Variants in DPP9 observed in about 807,000 individuals in gnomAD.
The protein encoded by DPP9 is dipeptidyl peptidase IV-related protein-2.
Under a neutral mutation model 110.7 loss-of-function variants are expected in DPP9, and 50 were observed. That is an observed-to-expected ratio of 0.45 (90% CI 0.36 to 0.57). The LOEUF (loss-of-function observed/expected upper bound fraction) is 0.57. Ranked by LOEUF, DPP9 falls within the 20% of genes least tolerant of loss-of-function variation. The pLI, the probability that DPP9 is intolerant of heterozygous loss-of-function variation, is 0.00. For synonymous variants in DPP9, 561 were observed against 514.4 expected (o/e 1.09, Z -1.23); for missense variants, 1,022 against 1,217.9 (o/e 0.84, Z 2.39).
intron 20 of DPP9, among the ~76,000 whole-genome samples, chr19:4,680,744 G>A (rs2089743585): frequency 6.6e-6 from 1 of 150,938 alleles, no homozygotes; most frequent in Admixed American, 6.6e-5. Flanking sequence ...ATCACTTGAG[G>A]CCAGGAGTTC....
rs1599849957 is a variant in DPP9, at chr19:4,676,914, G to A, written c.2587-258C>T. On this transcript the variant is annotated intron_variant, in intron 21 of 21. Transcript: ENST00000262960. The surrounding 1 kb of genome is among the most constrained non-coding windows in gnomAD (Gnocchi z 4.0). ...TTACAAAACGCCTTGCGGTGTGCAC[G>A]CGCTTGCACAGAGGAAAGATTTAGG... Among the ~76,000 whole-genome samples the A allele has an allele frequency of 1.3e-5, 2 of 152,282 alleles. No homozygotes were observed. Among genetic ancestry groups the A allele is most frequent in the Admixed American group, 6.5e-5 (1 of 15,304 alleles).
intron 3 of DPP9, among the ~76,000 whole-genome samples, chr19:4,714,787 C>T (rs984475256): frequency 4.6e-5 from 7 of 151,848 alleles, no homozygotes; most frequent in African/African-American, 1.2e-4. Context: ...CCACAGTCCC[C>T]GGGATAACAA....
Position 4,676,658 on chromosome 19 carries a change from T to C in DPP9, c.2587-2A>G. 6.3e-7 allele frequency: 1 copy of C among 1,597,694 alleles called. No individual in the cohort carries two copies. The highest frequency in any genetic ancestry group is 8.5e-7 in the Non-Finnish European group (1 of 1,172,114). ...ACTGTGTCTCTCGTTGGGGTAGATC[T>C]GCGGGGAGACAGGAGGCAGGGCTGG... is the stretch of plus-strand genomic sequence containing the variant. On this transcript the variant is annotated splice_acceptor_variant, in intron 21 of 21. Coordinates refer to ENST00000262960, the MANE Select transcript of DPP9 (RefSeq NM_139159.5). LOFTEE classifies it high-confidence loss of function. The surrounding 1 kb of genome is among the most constrained non-coding windows in gnomAD (Gnocchi z 4.0).
At chr19:4,702,407 G>A (rs1348389279) in intron 8 of DPP9, among the ~76,000 whole-genome samples, 196 bp downstream of exon 8, 1 of 152,172 alleles carries the variant, frequency 6.6e-6, no homozygotes, top group Non-Finnish European at 1.5e-5. Context: ...GCCACGTGGG[G>A]TGTAACGGGC....
intron 20 of DPP9, among the ~76,000 whole-genome samples, chr19:4,681,829 G>A (rs1414523278): frequency 1.3e-5 from 2 of 148,182 alleles, no homozygotes; most frequent in African/African-American, 5.0e-5. Flanking sequence ...GCCTCCCAAA[G>A]TGCCCAGGCA....
In DPP9 at chr19:4,695,142, C is replaced by T. The variant is rs984797571; in HGVS notation, c.1353+236G>A. On this transcript the variant is annotated intron_variant, in intron 12 of 21. Coordinates refer to ENST00000262960, the MANE Select transcript of DPP9 (RefSeq NM_139159.5). This position sits in a 1 kb window ranked among gnomAD's most constrained non-coding sequence, Gnocchi z 4.7. ...CTCTAGTCTGGGCAACAGAGCAACCCTGTCTCTAATTAAAGAAAAAAATAG... is the reference window on the plus strand; with the variant it reads ...CTCTAGTCTGGGCAACAGAGCAACCTTGTCTCTAATTAAAGAAAAAAATAG... 3.5e-6 allele frequency: 2 copies of T among 579,582 alleles called. No homozygotes were observed. The highest frequency in any genetic ancestry group is 3.0e-6 in the Non-Finnish European group (1 of 332,838). 35.9% of individuals were successfully genotyped at this position (579,582 alleles called of 1,614,324 possible). A position where few individuals can be genotyped will look rare whatever the true frequency, so the allele number is the denominator to read the frequency against.
rs148161084 is a variant in DPP9, at chr19:4,704,452, C to A, written c.427-148G>T. The A allele has an allele frequency of 3.0e-6, 3 of 992,836 alleles. No homozygotes were observed. The highest frequency in any genetic ancestry group is 4.4e-6 in the Non-Finnish European group (3 of 682,638). 61.5% of individuals were successfully genotyped at this position (992,836 alleles called of 1,614,324 possible). On this transcript the variant is annotated intron_variant, in intron 5 of 21. Coordinates refer to ENST00000262960, the MANE Select transcript of DPP9 (RefSeq NM_139159.5). The surrounding 1 kb of genome is among the most constrained non-coding windows in gnomAD (Gnocchi z 6.0). Reference sequence around the variant, plus strand: ...AACTTCCTGTACTGGGCAGAATTGGCTGCCGGAGCCCTTGACACAGTGGGT... The same window carrying A: ...AACTTCCTGTACTGGGCAGAATTGGATGCCGGAGCCCTTGACACAGTGGGT...
At chr19:4,719,701 C>T in intron 3 of DPP9, 150 bp downstream of exon 3, 1 of 922,242 alleles carries the variant, frequency 1.1e-6, no homozygotes, top group African/African-American at 1.6e-5. Flanking sequence ...CACACTGCCT[C>T]CTCGCTTGAA....
Position 4,694,713 on chromosome 19 carries a change from G to A in DPP9, c.1464C>T (p.Ala488=), listed in dbSNP as rs189664450. ...TGFCHLYKVT[A]VLKSQGYDWS... ...AATCGTAGCCCTGGGATTTTAAAAC[G>A]GCGGTGACTTTGTACAAATGGCAGA... is the stretch of plus-strand genomic sequence containing the variant. The change falls in exon 13 of 22, where the codon GCC becomes GCT. Residue 488 remains alanine, a synonymous_variant. Coordinates refer to ENST00000262960, the MANE Select transcript of DPP9 (RefSeq NM_139159.5). The surrounding 1 kb of genome is among the most constrained non-coding windows in gnomAD (Gnocchi z 4.0). 126 of 1,613,438 alleles carry A rather than the reference G, an allele frequency of 7.8e-5. 2 individuals are homozygous for A. In the East Asian group the frequency reaches 1.3e-3, roughly 17 times the overall value.
At chr19:4,709,673 G>A (rs1025593846) in intron 4 of DPP9, among the ~76,000 whole-genome samples, 2 of 152,152 alleles carry the variant, frequency 1.3e-5, no homozygotes, top group South Asian at 2.1e-4. Flanking sequence ...TTTTTGGGGC[G>A]AGTGAATGTT....
intron 4 of DPP9, among the ~76,000 whole-genome samples, chr19:4,711,458 G>T (rs1386266347): frequency 6.6e-6 from 1 of 152,006 alleles, no homozygotes; most frequent in Non-Finnish European, 1.5e-5. Flanking sequence ...AAGTGACCCA[G>T]ATGGCATCAT....
chr19:4,685,482 G>T lies in DPP9; in HGVS notation c.2031+144C>A. On this transcript the variant is annotated intron_variant, in intron 17 of 21. Coordinates refer to ENST00000262960, the MANE Select transcript of DPP9 (RefSeq NM_139159.5). The surrounding 1 kb of genome is among the most constrained non-coding windows in gnomAD (Gnocchi z 5.8). ...GGGCCCCGAGGACCCTGTGTAGTCAGGGCAGGCGGGGTGGGCTGGGGCACC... is the reference window on the plus strand; with the variant it reads ...GGGCCCCGAGGACCCTGTGTAGTCATGGCAGGCGGGGTGGGCTGGGGCACC... The T allele has an allele frequency of 1.1e-6, 1 of 939,966 alleles. No individual in the cohort carries two copies. The highest frequency in any genetic ancestry group is 1.6e-6 in the Non-Finnish European group (1 of 618,348). 58.2% of individuals were successfully genotyped at this position (939,966 alleles called of 1,614,324 possible). A position where few individuals can be genotyped will look rare whatever the true frequency, so the allele number is the denominator to read the frequency against.
Position 4,703,979 on chromosome 19 carries a change from C to T in DPP9, c.676G>A (p.Asp226Asn), listed in dbSNP as rs781000522. Residue 226 changes from aspartate to asparagine, a missense_variant, in exon 7 of 22, where the codon GAC becomes AAC. By Grantham distance (23) the Asp-to-Asn change is conservative. Transcript: ENST00000262960. ...TTGATGAAGGAGAAGAAGGCAGGGT[C>T]GGCAGGGCAGATTTTGGGGTCCATC... ...PRMDPKICPA[D>N]PAFFSFINNS... The T allele has an allele frequency of 1.3e-5, 21 of 1,613,858 alleles. No homozygotes were observed. The highest frequency in any genetic ancestry group is 2.2e-5 in the East Asian group (1 of 44,896).
rs1459819195 is a variant in DPP9 at position 4,695,823 on chromosome 19, A to C, written c.1176-268T>G. 6.6e-6 allele frequency among the ~76,000 whole-genome samples: 1 copy of C among 152,162 alleles called. No individual in the cohort carries two copies. The highest frequency in any genetic ancestry group is 1.9e-4 in the East Asian group (1 of 5,198). On this transcript the variant is annotated intron_variant, in intron 11 of 21. Coordinates refer to ENST00000262960, the MANE Select transcript of DPP9 (RefSeq NM_139159.5). This position sits in a 1 kb window ranked among gnomAD's most constrained non-coding sequence, Gnocchi z 4.7. ...CTAAGTCTCACAGCGGCAAGCTCTA[A>C]TAGTTTCTCCTCTTCACTGACTCTT...
chr19:4,703,352 C>T (rs1191249118), intron 7 of DPP9, among the ~76,000 whole-genome samples: 2 of 151,086 alleles, frequency 1.3e-5, no homozygotes, highest in East Asian at 2.0e-4. Flanking sequence ...CGGCAGGGTG[C>T]GGTAGCTCAT....
intron 20 of DPP9, 29 bp from the exon 21 acceptor site, chr19:4,679,975 G>A (rs781777698): frequency 7.1e-6 from 11 of 1,548,212 alleles, no homozygotes; most frequent in Non-Finnish European, 8.9e-6. Flanking sequence ...AGGGTCTGAG[G>A]CCAGGGATTG....
At position 4,676,969 on chromosome 19, in the gene DPP9, C is replaced by T. The variant is rs2088921186; in HGVS notation, c.2587-313G>A. Among the ~76,000 whole-genome samples the T allele has an allele frequency of 6.6e-6, 1 of 152,172 alleles. No homozygotes were observed. The highest frequency in any genetic ancestry group is 1.5e-5 in the Non-Finnish European group (1 of 68,032). ...AACCGTTTGCCTCTTTCCCCCAAAC[C>T]GGCTGACGGGCGACCAACTCATCTC... On this transcript the variant is annotated intron_variant, in intron 21 of 21. Coordinates refer to ENST00000262960, the MANE Select transcript of DPP9 (RefSeq NM_139159.5). This position sits in a 1 kb window ranked among gnomAD's most constrained non-coding sequence, Gnocchi z 4.0.
chr19:4,703,008 G>A (rs907120796), intron 7 of DPP9, among the ~76,000 whole-genome samples: 12 of 151,856 alleles, frequency 7.9e-5, no homozygotes, highest in African/African-American at 2.9e-4. Context: ...CTCACCCCAT[G>A]GCAAGCCAGG....
chr19:4,690,745 G>T, intron 14 of DPP9, 133 bp downstream of exon 14: 1 of 743,152 alleles, frequency 1.3e-6, no homozygotes, highest in Non-Finnish European at 2.3e-6. Flanking sequence ...AGGTGTGTGT[G>T]CGTGTGTGTA....
Sources: gnomAD v4.1 joint callset for allele counts (sites outside exome capture counted in the v4.1 genomes callset) on GRCh38, gnomAD v4.1.1 for gene constraint, Gnocchi (gnomAD v3.1) non-coding constraint, MANE v1.5 for transcripts, NCBI Gene and HGNC (gene_info 2026-07-23, HGNC 2026-07-21) for gene names.